TAF2: variants seen among roughly 807,000 people sequenced by gnomAD.
TAF2 encodes TATA-box binding protein associated factor 2.
TAF2 carries 61 observed loss-of-function variants against 138.5 expected under a neutral mutation model. The observed-to-expected ratio is 0.44, with a 90% CI of 0.36 to 0.54. The LOEUF (loss-of-function observed/expected upper bound fraction) is 0.54. Ranked by LOEUF, TAF2 falls within the 20% of genes least tolerant of loss-of-function variation. The probability of loss-of-function intolerance (pLI) is 0.00; values close to 1 mark genes in which losing one functional copy is unlikely to be tolerated. For synonymous variants in TAF2, 475 were observed against 469.9 expected (o/e 1.01, Z -0.14); for missense variants, 1,090 against 1,427.9 (o/e 0.76, Z 3.81).
At chr8:119,764,320 G>A (rs898218510) in intron 18 of TAF2, among the ~76,000 whole-genome samples, 4 of 152,094 alleles carry the variant, frequency 2.6e-5, no homozygotes, top group African/African-American at 9.7e-5. Context: ...TTAGTATTCT[G>A]AAGTACTAAG....
At chr8:119,749,522 G>C (rs192646807) in intron 22 of TAF2, among the ~76,000 whole-genome samples, 1 of 152,142 alleles carries the variant, frequency 6.6e-6, no homozygotes, top group South Asian at 2.1e-4. Flanking sequence ...TGGTTGTCAC[G>C]TTAGTACATT....
In TAF2 at chr8:119,778,010, G is replaced by A. The variant is rs1822376795; in HGVS notation, c.2364+9C>T. 1 of 1,393,844 alleles carries A rather than the reference G, an allele frequency of 7.2e-7. No homozygotes were observed. Among genetic ancestry groups the A allele is most frequent in the Non-Finnish European group, 1.0e-6 (1 of 989,406 alleles). 86.3% of individuals were successfully genotyped at this position (1,393,844 alleles called of 1,614,324 possible). ...TGTTGTAGAAGATTTAAAAATAAAA[G>A]TACCTCACCTTATTTTTCCTGTTGT... is the stretch of plus-strand genomic sequence containing the variant. On this transcript the variant is annotated intron_variant, in intron 18 of 25. Transcript: ENST00000378164.
chr8:119,832,548 A>C lies in TAF2; in HGVS notation c.17T>G (p.Val6Gly), dbSNP rs1381816864. The C allele has an allele frequency of 1.9e-6, 3 of 1,613,404 alleles. No homozygotes were observed. The highest frequency in any genetic ancestry group is 2.2e-5 in the South Asian group (2 of 91,074). The change falls in exon 1 of 26, where the codon GTA (valine) becomes GGA (glycine). Residue 6 changes from valine to glycine, a missense_variant. By Grantham distance (109) the Val-to-Gly change is moderately radical. This residue lies in a region of TAF2 where 504 missense variants were observed against 680.9 expected (regional missense o/e 0.74). Transcript: ENST00000378164. The stretch of plus-strand genomic sequence containing the variant: ...CTTCCTGTTCATTCTGGCGGGCTCT[A>C]CACCAGTCAGCGGCATGAAGCGGTC... The part of the protein sequence containing the change: MPLTG[V>G]EPARMNRKKG...
intron 3 of TAF2, among the ~76,000 whole-genome samples, chr8:119,812,743 GTGTGTGTGTA>G (rs147278292): frequency 0.11 from 16,335 of 143,134 alleles, 1,417 homozygotes; most frequent in African/African-American, 0.26. Context: ...GTGTGTGTGT[GTGTGTGTGTA>G]TATATGTGTG....
At position 119,746,875 on chromosome 8, in the gene TAF2, C is replaced by T. The variant is rs1460696843; in HGVS notation, c.2938G>A (p.Gly980Ser). ...GGTAAACAGGAAGGTCTACTGAGGC[C>T]AAAAAGTGTGAAGTACAAGTCCACA... ...GAVDLYFTLF[G>S]LSRPSCLPLP... is the part of the protein sequence containing the mutation. The change falls in exon 23 of 26, where the codon GGC becomes AGC. Residue 980 changes from glycine (G) to serine (S), a missense_variant. By Grantham distance (56) the Gly-to-Ser change is moderately conservative. This residue lies in a region of TAF2 where 580 missense variants were observed against 719.6 expected (regional missense o/e 0.81). Coordinates refer to ENST00000378164, the MANE Select transcript of TAF2 (RefSeq NM_003184.4). 6.2e-7 allele frequency: 1 copy of T among 1,613,984 alleles called. No homozygotes were observed. Among genetic ancestry groups the T allele is most frequent in the African/African-American group, 1.3e-5 (1 of 74,980 alleles).
intron 18 of TAF2, among the ~76,000 whole-genome samples, chr8:119,772,160 T>C (rs1022746629): frequency 7.9e-5 from 12 of 152,190 alleles, no homozygotes; most frequent in Admixed American, 5.9e-4. Context: ...CCAAAACCTC[T>C]TGGATACAGC....
chr8:119,832,371 C>A, intron 1 of TAF2, 111 bp downstream of exon 1: 2 of 955,020 alleles, frequency 2.1e-6, no homozygotes, highest in South Asian at 2.8e-5. Context: ...TGAGTAAATT[C>A]TAGTTTCCCA....
At chr8:119,796,836 GA>G (rs1823861619) in intron 8 of TAF2, among the ~76,000 whole-genome samples, 153 bp downstream of exon 8, 1 of 151,826 alleles carries the variant, frequency 6.6e-6, no homozygotes, top group African/African-American at 2.4e-5. Flanking sequence ...AAGTTAGGAT[GA>G]AACTTATAAT....
At chr8:119,755,390 G>T (rs1310425161) in intron 22 of TAF2, among the ~76,000 whole-genome samples, 2 of 152,150 alleles carry the variant, frequency 1.3e-5, no homozygotes, top group East Asian at 3.9e-4. Context: ...CCAGCTACTC[G>T]GGAGGGTAAG....
intron 3 of TAF2, among the ~76,000 whole-genome samples, chr8:119,807,572 T>C (rs1824748835): frequency 6.6e-6 from 1 of 152,222 alleles, no homozygotes; most frequent in South Asian, 2.1e-4. Flanking sequence ...CCGTTAGGTG[T>C]AGCCACAAGG....
chr8:119,748,780 G>A (rs919845949), intron 22 of TAF2, among the ~76,000 whole-genome samples: 5 of 152,096 alleles, frequency 3.3e-5, no homozygotes, highest in Admixed American at 2.6e-4. Context: ...AGGCTAGAGG[G>A]TCTCAACCCT....
chr8:119,813,924 T>C (rs185428724), intron 3 of TAF2, among the ~76,000 whole-genome samples: 2 of 152,188 alleles, frequency 1.3e-5, no homozygotes, highest in African/African-American at 4.8e-5. Flanking sequence ...AAAACCAGTT[T>C]AGGCAACATA....
rs1174782352 is a variant in TAF2 at position 119,797,042 on chromosome 8, C to G, written c.1039G>C (p.Ala347Pro). 6.2e-7 allele frequency: 1 copy of G among 1,613,150 alleles called. No individual in the cohort carries two copies. Among genetic ancestry groups the G allele is most frequent in the Non-Finnish European group, 8.5e-7 (1 of 1,179,552 alleles). Reference protein sequence around the residue: ...DETPLTRRCLAQSLAQQFFGC... With the variant: ...DETPLTRRCLPQSLAQQFFGC... ...AAAAACTGCTGGGCCAAGGATTGGGCTAAACACCTTCTAGTCAAAGGTGTC... is the reference window on the plus strand; with the variant it reads ...AAAAACTGCTGGGCCAAGGATTGGGGTAAACACCTTCTAGTCAAAGGTGTC... Residue 347 changes from alanine to proline, a missense_variant, in exon 8 of 26, where the codon GCC (alanine) becomes CCC (proline). Physicochemically the swap from Ala to Pro is conservative, Grantham distance 27. This residue lies in a region of TAF2 where 504 missense variants were observed against 680.9 expected (regional missense o/e 0.74). Coordinates refer to ENST00000378164, the MANE Select transcript of TAF2 (RefSeq NM_003184.4).
chr8:119,791,590 T>C (rs932890688), intron 10 of TAF2, 131 bp from the exon 11 acceptor site: 13 of 982,500 alleles, frequency 1.3e-5, no homozygotes, highest in Admixed American at 5.7e-5. Flanking sequence ...TTAGTACTAA[T>C]AAACATCTAA....
intron 25 of TAF2, among the ~76,000 whole-genome samples, chr8:119,739,774 A>C (rs1423826528): frequency 6.7e-6 from 1 of 150,356 alleles, no homozygotes; most frequent in Non-Finnish European, 1.5e-5. Flanking sequence ...TGGGTGCGGC[A>C]TAAGAGATCA....
chr8:119,763,183 C>T (rs897215360), intron 18 of TAF2, among the ~76,000 whole-genome samples: 1 of 152,134 alleles, frequency 6.6e-6, no homozygotes, highest in Non-Finnish European at 1.5e-5. Flanking sequence ...ACACATAATG[C>T]AGAGTCCCTA....
chr8:119,802,162 C>T lies in TAF2; in HGVS notation c.561-137G>A, dbSNP rs1009138585. On this transcript the variant is annotated intron_variant, in intron 5 of 25. Transcript: ENST00000378164. ...GCTATTTGGCTACTGAAGCTTTTTACTGTACAACCTGAAAAAAATCTGATA... is the reference window on the plus strand; with the variant it reads ...GCTATTTGGCTACTGAAGCTTTTTATTGTACAACCTGAAAAAAATCTGATA... 1.2e-4 allele frequency: 84 copies of T among 692,730 alleles called. No individual in the cohort carries two copies. The African/African-American group carries it at 1.4e-3, about 11-fold the overall frequency. 42.9% of individuals were successfully genotyped at this position (692,730 alleles called of 1,614,324 possible).
At chr8:119,790,802 G>T (rs947128828) in intron 11 of TAF2, among the ~76,000 whole-genome samples, 5 of 149,194 alleles carry the variant, frequency 3.4e-5, no homozygotes, top group East Asian at 1.9e-4. Flanking sequence ...CACAATTCTA[G>T]TTTTTTTTTC....
chr8:119,748,755 G>A (rs796223502), intron 22 of TAF2, among the ~76,000 whole-genome samples: 4 of 152,130 alleles, frequency 2.6e-5, no homozygotes, highest in African/African-American at 9.6e-5. Context: ...AGATTCCTGG[G>A]GCTTCTATTA....
Sources: allele counts gnomAD v4.1 joint callset (sites outside exome capture counted in the v4.1 genomes callset), GRCh38; gene constraint gnomAD v4.1.1; regional missense constraint gnomAD v4.1.1; transcripts MANE v1.5; gene names NCBI Gene and HGNC (gene_info 2026-07-23, HGNC 2026-07-21).